UBE2W: variants seen among roughly 807,000 people sequenced by gnomAD.
UBE2W encodes ubiquitin conjugating enzyme E2 W.
A neutral mutation model predicts 27.2 loss-of-function variants in UBE2W; 18 were observed. The observed-to-expected ratio is 0.66, with a 90% CI of 0.46 to 0.98. UBE2W has a LOEUF of 0.98. Ranked by LOEUF, UBE2W falls within the 50% of genes least tolerant of loss-of-function variation. The pLI, the probability that UBE2W is intolerant of heterozygous loss-of-function variation, is 0.00. For synonymous variants in UBE2W, 53 were observed against 57.2 expected (o/e 0.93, Z 0.33); for missense variants, 90 against 180.2 (o/e 0.50, Z 2.87).
chr8:73,833,971 G>A (rs1470250293), intron 1 of UBE2W: 1 of 152,152 alleles, frequency 6.6e-6, no homozygotes, highest in Non-Finnish European at 1.5e-5. Flanking sequence ...TCGACATAGT[G>A]CATGACAGCC....
chr8:73,876,795 C>A lies in UBE2W; in HGVS notation c.15+2013G>T, dbSNP rs150215463. On this transcript the variant is annotated intron_variant, in intron 1 of 5. Transcript: ENST00000602593. ...ACCAGCCTGACCAACATGAAGAAAC[C>A]CCGTCTCTACTGAAATACAAAATTA... is the stretch of plus-strand genomic sequence containing the variant. 7.9e-3 allele frequency among the ~76,000 whole-genome samples: 1,202 copies of A among 152,158 alleles called. 15 individuals carry two copies. Among genetic ancestry groups the A allele is most frequent in the African/African-American group, 0.027 (1,141 of 41,502 alleles).
At position 73,791,246 on chromosome 8, in the gene UBE2W, A is replaced by T. The variant is rs548278890; in HGVS notation, c.*2856T>A. On this transcript the variant is annotated 3_prime_UTR_variant, in exon 6 of 6. Transcript: ENST00000602593. ...CAATCCTTCTCTCTAAACCTATGGC[A>T]TTAATCCCTACTTGACCAAAGAAAA... The T allele has an allele frequency of 2.0e-6, 2 of 983,374 alleles. No homozygotes were observed. Among genetic ancestry groups the T allele is most frequent in the South Asian group, 9.4e-5 (2 of 21,260 alleles). The allele number at this position is 983,374 out of a possible 1,614,324, so 60.9% of individuals were successfully genotyped here.
intron 1 of UBE2W, among the ~76,000 whole-genome samples, chr8:73,836,010 C>T (rs1439199690): frequency 6.6e-6 from 1 of 152,170 alleles, no homozygotes; most frequent in Non-Finnish European, 1.5e-5. Flanking sequence ...AATCAAACAA[C>T]TATGCCTCTG....
chr8:73,855,211 T>G (rs566150884), intron 1 of UBE2W, among the ~76,000 whole-genome samples: 1 of 152,244 alleles, frequency 6.6e-6, no homozygotes, highest in East Asian at 1.9e-4. Flanking sequence ...TACACCAGAA[T>G]AGTGAGAGAG....
intron 1 of UBE2W, among the ~76,000 whole-genome samples, chr8:73,872,000 C>A (rs955410728): frequency 1.3e-5 from 2 of 152,136 alleles, no homozygotes; most frequent in Admixed American, 6.5e-5. Context: ...CTCAGGTGAT[C>A]CTCCCACCTC....
Position 73,794,087 on chromosome 8 carries a change from A to T in UBE2W, c.*15T>A, listed in dbSNP as rs764345944. On this transcript the variant is annotated 3_prime_UTR_variant, in exon 6 of 6. Coordinates refer to ENST00000602593, the MANE Select transcript of UBE2W (RefSeq NM_018299.6). ...AGTAGGACTATCTTCTGCTAGGAGG[A>T]TGATAACAGTGGCATCAACAAGTAT... is the stretch of plus-strand genomic sequence containing the variant. The T allele has an allele frequency of 1.9e-6, 3 of 1,613,618 alleles. No homozygotes were observed. Among genetic ancestry groups the T allele is most frequent in the Non-Finnish European group, 1.7e-6 (2 of 1,179,754 alleles).
chr8:73,794,245 C>T, intron 5 of UBE2W, 130 bp from the exon 6 acceptor site: 1 of 1,126,696 alleles, frequency 8.9e-7, no homozygotes, highest in Non-Finnish European at 1.3e-6. Context: ...TCTGCCTCCC[C>T]CAAACCTGTG....
At chr8:73,827,600 G>A (rs1196743017) in intron 2 of UBE2W, among the ~76,000 whole-genome samples, 1 of 152,088 alleles carries the variant, frequency 6.6e-6, no homozygotes, top group Non-Finnish European at 1.5e-5. Flanking sequence ...TGCAATCAGG[G>A]CTCACTGCAG....
intron 1 of UBE2W, among the ~76,000 whole-genome samples, chr8:73,835,202 C>G (rs992181264): frequency 2.0e-5 from 3 of 151,398 alleles, no homozygotes; most frequent in African/African-American, 7.3e-5. Flanking sequence ...CATCCCTGGT[C>G]TCCTGAACAT....
intron 1 of UBE2W, among the ~76,000 whole-genome samples, chr8:73,863,893 C>T (rs1362519625): frequency 6.7e-6 from 1 of 150,130 alleles, no homozygotes; most frequent in Admixed American, 6.7e-5. Flanking sequence ...TTGGAAACCA[C>T]TGGTTTGAAC....
chr8:73,824,799 T>C lies in UBE2W; in HGVS notation c.210+348A>G, dbSNP rs57731584. ...GGAGGCAGAGCTCAGGCAGTAATGC[T>C]GCTCACCTCCTGTGTGGCCCGACTC... is the stretch of plus-strand genomic sequence containing the variant. On this transcript the variant is annotated intron_variant, in intron 3 of 5. Transcript: ENST00000602593. Among the ~76,000 whole-genome samples, 14 of 152,334 alleles carry C rather than the reference T, an allele frequency of 9.2e-5. No individual in the cohort carries two copies. The East Asian group carries it at 2.3e-3, about 25-fold the overall frequency.
intron 1 of UBE2W, among the ~76,000 whole-genome samples, chr8:73,840,519 CTAA>C (rs1385311853): frequency 6.6e-6 from 1 of 152,156 alleles, no homozygotes; most frequent in Admixed American, 6.5e-5. Context: ...TTCTGAGATG[CTAA>C]TAATGGCAAA....
intron 1 of UBE2W, among the ~76,000 whole-genome samples, chr8:73,844,174 C>CCCACAT (rs71269949): frequency 1.4e-5 from 2 of 138,586 alleles, no homozygotes; most frequent in Admixed American, 1.5e-4. Flanking sequence ...CCCTCCCCCT[C>CCCACAT]TGCACGGACT....
At chr8:73,849,164 T>G (rs931170074) in intron 1 of UBE2W, among the ~76,000 whole-genome samples, 2 of 152,112 alleles carry the variant, frequency 1.3e-5, no homozygotes, top group African/African-American at 2.4e-5. Context: ...GTAAAAGTTT[T>G]CAATAAAAAA....
In UBE2W at chr8:73,852,482, TG is replaced by T. The variant is rs547406484; in HGVS notation, c.16-22011del. Among the ~76,000 whole-genome samples the T allele has an allele frequency of 5.3e-5, 8 of 152,330 alleles. No individual in the cohort carries two copies. In the East Asian group the frequency reaches 1.5e-3, roughly 29 times the overall value. On this transcript the variant is annotated intron_variant, in intron 1 of 5. Transcript: ENST00000602593. ...ATACAGTTCTGTATCTTTCTCTCAT[TG>T]ATCCCTGCATTTCATGCCATAGATG...
At chr8:73,856,896 G>T (rs758486084) in intron 1 of UBE2W, among the ~76,000 whole-genome samples, 2 of 151,764 alleles carry the variant, frequency 1.3e-5, no homozygotes, top group Non-Finnish European at 2.9e-5. Flanking sequence ...TAGTAGAAAG[G>T]GGGTTTTGCT....
intron 1 of UBE2W, among the ~76,000 whole-genome samples, chr8:73,876,079 T>A (rs1812208820): frequency 6.6e-6 from 1 of 151,826 alleles, no homozygotes; most frequent in Non-Finnish European, 1.5e-5. Flanking sequence ...CAAAACACAA[T>A]TAACTTAAAT....
At chr8:73,810,371 A>C in intron 4 of UBE2W, 103 bp downstream of exon 4, 1 of 1,154,830 alleles carries the variant, frequency 8.7e-7, no homozygotes, top group Non-Finnish European at 1.2e-6. Flanking sequence ...TCAAATAAAA[A>C]GCATAAATCC....
rs569033816 is a variant in UBE2W, at chr8:73,826,503, G to T, written c.108-1254C>A. Among the ~76,000 whole-genome samples, 3 of 152,080 alleles carry T rather than the reference G, an allele frequency of 2.0e-5. No individual in the cohort carries two copies. In the East Asian group the frequency reaches 5.8e-4, roughly 29 times the overall value. Reference sequence around the variant, plus strand: ...GTGTTGGGATTCTAGTCATCACCACGCATACTATGAACCTTGGATTATGTA... The same window carrying T: ...GTGTTGGGATTCTAGTCATCACCACTCATACTATGAACCTTGGATTATGTA... On this transcript the variant is annotated intron_variant, in intron 2 of 5. Coordinates refer to ENST00000602593, the MANE Select transcript of UBE2W (RefSeq NM_018299.6).
Sources: allele counts gnomAD v4.1 joint callset (sites outside exome capture counted in the v4.1 genomes callset), GRCh38; gene constraint gnomAD v4.1.1; transcripts MANE v1.5; gene names NCBI Gene and HGNC (gene_info 2026-07-23, HGNC 2026-07-21).